Variants in LINGO1 observed in about 807,000 individuals in gnomAD.
LINGO1 encodes leucine rich repeat and Ig domain containing 1.
A neutral mutation model predicts 37.3 loss-of-function variants in LINGO1; 11 were observed. The ratio of observed to expected loss-of-function variants is 0.29; its 90% confidence interval spans 0.19 to 0.49. The LOEUF is 0.49. LINGO1 is among the 20% of genes least tolerant of loss of function. The pLI is 0.99. For missense variants in LINGO1, 585 were observed against 878.2 expected, an observed-to-expected ratio of 0.67 and a Z score of 4.22; for synonymous variants, 387 against 403.0, an observed-to-expected ratio of 0.96 and a Z score of 0.48.
chr15:77,695,112 A>C (rs2075668515), intron 1 of LINGO1, among the ~76,000 whole-genome samples: 1 of 152,226 alleles, frequency 6.6e-6, no homozygotes, highest in Non-Finnish European at 1.5e-5. Flanking sequence ...GGAGAGATTA[A>C]AGAACTTGTC....
Position 77,740,148 on chromosome 15 carries a change from A to G in LINGO1, c.-256-5095T>C, listed in dbSNP as rs983387783. ...TTAAAGGAAAAGCCAAGGAGCCCTG[A>G]CAGCATGGACAGTGTGGTCAGGGAG... is the stretch of plus-strand genomic sequence containing the variant. On this transcript the variant is annotated intron_variant, in intron 1 of 3. Transcript: ENST00000561686. Among the ~76,000 whole-genome samples, 10 of 152,332 alleles carry G rather than the reference A, an allele frequency of 6.6e-5. No individual in the cohort carries two copies. The East Asian group carries it at 1.9e-3, about 29-fold the overall frequency.
intron 1 of LINGO1, among the ~76,000 whole-genome samples, chr15:77,783,805 C>T (rs1277464903): frequency 2.6e-5 from 4 of 152,186 alleles, no homozygotes; most frequent in African/African-American, 4.8e-5. Flanking sequence ...AATCCAGGCT[C>T]GCCTGACTCA....
intron 1 of LINGO1, among the ~76,000 whole-genome samples, chr15:77,807,767 T>C (rs1403710951): frequency 2.6e-5 from 4 of 152,084 alleles, no homozygotes; most frequent in African/African-American, 4.8e-5. Context: ...TAAAAGCAAT[T>C]AGAGTTTTTG....
chr15:77,615,629 C>G lies in LINGO1; in HGVS notation c.278G>C (p.Ser93Thr), dbSNP rs754246676. 108 of 1,611,950 alleles carry G rather than the reference C, an allele frequency of 6.7e-5. No individual in the cohort carries two copies. In the Admixed American group the frequency reaches 1.8e-3, roughly 26 times the overall value. Residue 93 changes from serine to threonine, a missense_variant, in exon 2 of 2, where the codon AGC becomes ACC. Physicochemically the swap from Ser to Thr is moderately conservative, Grantham distance 58 (BLOSUM62 1). Transcript: ENST00000355300. ...IKTLNQDEFASFPHLEELELN... is the reference protein window; with the variant it reads ...IKTLNQDEFATFPHLEELELN... ...CTCCAGCTCCTCCAGGTGCGGGAAG[C>G]TGGCGAACTCGTCCTGGTTGAGCGT...
At chr15:77,802,945 T>G (rs946401117) in intron 1 of LINGO1, among the ~76,000 whole-genome samples, 4 of 152,064 alleles carry the variant, frequency 2.6e-5, no homozygotes, top group Non-Finnish European at 5.9e-5. Flanking sequence ...GCCTTCAGCT[T>G]CATGTCTGAC....
At chr15:77,768,304 C>T (rs1238378571) in intron 1 of LINGO1, among the ~76,000 whole-genome samples, 1 of 152,214 alleles carries the variant, frequency 6.6e-6, no homozygotes, top group Non-Finnish European at 1.5e-5. Flanking sequence ...TCAGCTTCCT[C>T]CTCCCTGATT....
chr15:77,735,517 T>C (rs1336449541), intron 1 of LINGO1, among the ~76,000 whole-genome samples: 1 of 152,190 alleles, frequency 6.6e-6, no homozygotes, highest in Non-Finnish European at 1.5e-5. Context: ...CACCTTCCCA[T>C]GTCTGCCTGA....
intron 2 of LINGO1, among the ~76,000 whole-genome samples, chr15:77,714,859 A>G (rs2075964635): frequency 6.6e-6 from 1 of 152,354 alleles, no homozygotes; most frequent in Middle Eastern, 3.4e-3. Flanking sequence ...CGATGACATG[A>G]TCATTTCCCC....
rs900735904 is a variant in LINGO1, at chr15:77,632,836, G to A, written c.-521C>T. ...CGCCGCCGCCGCCGCCTGCGCTGTC[G>A]CCCGCCGCCCGCTCCGGCTCCCGCG... On this transcript the variant is annotated 5_prime_UTR_variant, in exon 1 of 2. Coordinates refer to ENST00000355300, the MANE Select transcript of LINGO1 (RefSeq NM_032808.7). The surrounding 1 kb of genome is among the most constrained non-coding windows in gnomAD (Gnocchi z 6.0). Among the ~76,000 whole-genome samples the A allele has an allele frequency of 2.1e-4, 32 of 148,902 alleles. No homozygotes were observed. Among genetic ancestry groups the A allele is most frequent in the Non-Finnish European group, 3.7e-4 (25 of 66,880 alleles).
chr15:77,658,608 G>T (rs2074919773), intron 3 of LINGO1, among the ~76,000 whole-genome samples: 1 of 152,270 alleles, frequency 6.6e-6, no homozygotes. Context: ...AAGCAGGCAG[G>T]CCTGGCAGTA....
chr15:77,691,924 C>T lies in LINGO1; in HGVS notation c.-280-1023G>A, dbSNP rs117089172. On this transcript the variant is annotated intron_variant, in intron 1 of 3. Coordinates refer to the LINGO1 transcript ENST00000559893. ...CCATCTGTCACCCCCACCCACGCTG[C>T]GGCATCACAGGGTCCAGATTACAGA... 9.7e-3 allele frequency among the ~76,000 whole-genome samples: 1,475 copies of T among 152,276 alleles called. 19 individuals are homozygous for T. The highest frequency in any genetic ancestry group is 0.016 in the Non-Finnish European group (1,117 of 68,020).
chr15:77,669,565 T>C (rs558927455), intron 3 of LINGO1, among the ~76,000 whole-genome samples: 1 of 152,190 alleles, frequency 6.6e-6, no homozygotes, highest in South Asian at 2.1e-4. Flanking sequence ...CTAGAAAATG[T>C]CCACACAGGC....
At chr15:77,809,229 G>C (rs2076983874) in intron 1 of LINGO1, among the ~76,000 whole-genome samples, 1 of 152,224 alleles carries the variant, frequency 6.6e-6, no homozygotes, top group South Asian at 2.1e-4. Flanking sequence ...CTGCAGGTCA[G>C]CTCTCAGCCA....
chr15:77,705,174 G>GAC (rs72451354), intron 2 of LINGO1, among the ~76,000 whole-genome samples: 10,618 of 99,032 alleles, frequency 0.11, 974 homozygotes, highest in African/African-American at 0.21. Flanking sequence ...CCCCTGCCAT[G>GAC]ACACACACAC....
chr15:77,651,509 C>T (rs185905535), intron 3 of LINGO1: 1 of 152,302 alleles, frequency 6.6e-6, no homozygotes, highest in Admixed American at 6.5e-5. Context: ...GGTCAAATGA[C>T]AAAAGCCTAA....
intron 2 of LINGO1, among the ~76,000 whole-genome samples, chr15:77,704,435 G>A (rs1480175073): frequency 7.9e-5 from 12 of 151,056 alleles, no homozygotes; most frequent in Admixed American, 7.9e-4. Context: ...ACTGAATCCC[G>A]ACCCTGGTCA....
chr15:77,788,229 A>C (rs544595041), upstream of LINGO1: 1 of 152,316 alleles, frequency 6.6e-6, no homozygotes, highest in South Asian at 2.1e-4. Flanking sequence ...GCCTAAATTC[A>C]ATGATTCAGT....
intron 1 of LINGO1, among the ~76,000 whole-genome samples, chr15:77,779,323 A>C (rs974895937): frequency 2.0e-5 from 3 of 152,024 alleles, no homozygotes; most frequent in Non-Finnish European, 4.4e-5. Flanking sequence ...GTGGAAGACA[A>C]TTTTTCCACA....
upstream of LINGO1, among the ~76,000 whole-genome samples, chr15:77,791,205 G>A (rs145024880): frequency 1.5e-4 from 23 of 152,266 alleles, no homozygotes; most frequent in African/African-American, 5.5e-4. Context: ...ACTTGAGGGT[G>A]GGGCAGCAGG....
Sources: allele counts gnomAD v4.1 joint callset (sites outside exome capture counted in the v4.1 genomes callset), GRCh38; gene constraint gnomAD v4.1.1; non-coding constraint Gnocchi (gnomAD v3.1); transcripts MANE v1.5; gene names NCBI Gene and HGNC (gene_info 2026-07-23, HGNC 2026-07-21).